Variants in FGF7 observed in about 807,000 individuals in gnomAD.
The protein encoded by FGF7 is FGF-7.
FGF7 carries 6 observed loss-of-function variants against 20.5 expected under a neutral mutation model. The observed-to-expected ratio is 0.29, with a 90% confidence interval of 0.16 to 0.58. The LOEUF (loss-of-function observed/expected upper bound fraction) is 0.58. Among genes scored for constraint, FGF7 ranks in the 20% least tolerant of loss-of-function variants. The pLI, the probability that FGF7 is intolerant of heterozygous loss-of-function variation, is 0.90. For synonymous variants in FGF7, 64 were observed against 74.7 expected (o/e 0.86, Z 0.74); for missense variants, 144 against 228.8 (o/e 0.63, Z 2.39).
intron 2 of FGF7, among the ~76,000 whole-genome samples, chr15:49,450,109 G>A (rs2052588768): frequency 6.6e-6 from 1 of 152,066 alleles, no homozygotes; most frequent in South Asian, 2.1e-4. Context: ...CGGAGTTGTG[G>A]AATAAACATG....
intron 2 of FGF7, among the ~76,000 whole-genome samples, chr15:49,468,264 A>G (rs1242769584): frequency 6.6e-6 from 1 of 152,166 alleles, no homozygotes; most frequent in Non-Finnish European, 1.5e-5. Flanking sequence ...ATGATGTGGA[A>G]TCAGTTCTCT....
intron 2 of FGF7, among the ~76,000 whole-genome samples, chr15:49,455,383 T>C (rs1275113221): frequency 1.3e-5 from 2 of 152,234 alleles, no homozygotes; most frequent in East Asian, 3.8e-4. Context: ...TCATGATGAA[T>C]ACTGTGTGCA....
rs1010649653 is a variant in FGF7, at chr15:49,488,101, T to C, written c.*3597T>C. 4 of 151,962 alleles carry C rather than the reference T, an allele frequency of 2.6e-5. No individual in the cohort carries two copies. Among genetic ancestry groups the C allele is most frequent in the African/African-American group, 7.2e-5 (3 of 41,404 alleles). 9.4% of individuals were successfully genotyped at this position (151,962 alleles called of 1,614,324 possible). Reference sequence around the variant, plus strand: ...AGAATACATCACTGATACATCGAAATGGATGCAGGCCACTATGACTAACTT... The same window carrying C: ...AGAATACATCACTGATACATCGAAACGGATGCAGGCCACTATGACTAACTT... On this transcript the variant is annotated 3_prime_UTR_variant, in exon 4 of 4. Transcript: ENST00000267843.
chr15:49,427,865 G>C (rs1597121288), intron 2 of FGF7, among the ~76,000 whole-genome samples: 1 of 151,880 alleles, frequency 6.6e-6, no homozygotes, highest in East Asian at 1.9e-4. Context: ...GGGAGTGGTG[G>C]GCAAGTGGAT....
chr15:49,481,799 A>T (rs1306593049), intron 2 of FGF7, among the ~76,000 whole-genome samples: 1 of 152,182 alleles, frequency 6.6e-6, no homozygotes, highest in Non-Finnish European at 1.5e-5. Context: ...CCCAATTTCT[A>T]GATGAGTAGC....
chr15:49,445,773 T>C (rs2052143886), intron 2 of FGF7, among the ~76,000 whole-genome samples: 1 of 151,540 alleles, frequency 6.6e-6, no homozygotes, highest in Non-Finnish European at 1.5e-5. Context: ...CCTGCTCATG[T>C]TAGCCAAGAA....
intron 2 of FGF7, among the ~76,000 whole-genome samples, chr15:49,479,912 C>G (rs1283440634): frequency 6.6e-6 from 1 of 152,144 alleles, no homozygotes; most frequent in Non-Finnish European, 1.5e-5. Flanking sequence ...CTGCGCTCCG[C>G]CCATAGTTAA....
intron 2 of FGF7, among the ~76,000 whole-genome samples, chr15:49,466,931 A>G (rs75875790): frequency 0.017 from 2,540 of 152,310 alleles, 22 homozygotes; most frequent in Middle Eastern, 0.044. Flanking sequence ...CAAAGAGCAT[A>G]TGCTTTAAAA....
rs113812225 is a variant in FGF7, at chr15:49,483,987, G to A, written c.391-323G>A. ...CAGTGGTTAAAGAATGAGTGATGTG[G>A]GAATAAGTAATATGAGGCCTGTTAC... On this transcript the variant is annotated intron_variant, in intron 3 of 3. Transcript: ENST00000267843. Among the ~76,000 whole-genome samples the A allele has an allele frequency of 7.5e-3, 1,135 of 152,074 alleles. 19 individuals carry two copies. The highest frequency in any genetic ancestry group is 0.026 in the African/African-American group (1,087 of 41,526).
intron 2 of FGF7, among the ~76,000 whole-genome samples, chr15:49,436,513 A>T (rs2051120446): frequency 6.6e-6 from 1 of 151,632 alleles, no homozygotes. Flanking sequence ...TAGTATTAAG[A>T]TAACAAAAAT....
intron 2 of FGF7, among the ~76,000 whole-genome samples, chr15:49,470,243 T>G (rs898822494): frequency 5.4e-5 from 2 of 37,380 alleles, no homozygotes; most frequent in Admixed American, 4.9e-4. Context: ...CTTATAATTC[T>G]TTAACACTGG....
chr15:49,479,545 G>A (rs2055691812), intron 2 of FGF7, among the ~76,000 whole-genome samples: 2 of 147,246 alleles, frequency 1.4e-5, no homozygotes, highest in African/African-American at 5.0e-5. Context: ...TATGTTTTCT[G>A]AGCAACTTCG....
intron 2 of FGF7, among the ~76,000 whole-genome samples, chr15:49,477,487 C>T (rs2055452101): frequency 6.6e-6 from 1 of 152,112 alleles, no homozygotes; most frequent in Admixed American, 6.6e-5. Flanking sequence ...TTAAGGTTCC[C>T]CTTGTCTTTT....
intron 2 of FGF7, among the ~76,000 whole-genome samples, chr15:49,450,355 T>C (rs2052611541): frequency 6.6e-6 from 1 of 152,104 alleles, no homozygotes; most frequent in African/African-American, 2.4e-5. Flanking sequence ...CTAGAGTTCA[T>C]TTCTCTGGCC....
At chr15:49,463,432 T>C (rs112798740) in intron 2 of FGF7, among the ~76,000 whole-genome samples, 3,300 of 151,716 alleles carry the variant, frequency 0.022, 139 homozygotes, top group African/African-American at 0.076. Flanking sequence ...TGGGCGCCTG[T>C]AATCCCAGCT....
At chr15:49,442,208 T>C (rs1054027523) in intron 2 of FGF7, among the ~76,000 whole-genome samples, 1 of 151,722 alleles carries the variant, frequency 6.6e-6, no homozygotes, top group Non-Finnish European at 1.5e-5. Context: ...GATTCTATTC[T>C]AGCCAGCCAA....
intron 2 of FGF7, among the ~76,000 whole-genome samples, chr15:49,447,462 T>C (rs2052329630): frequency 6.6e-6 from 1 of 151,682 alleles, no homozygotes. Flanking sequence ...GAGTCAAATA[T>C]GGCAGCTAGT....
chr15:49,480,865 T>A (rs2055882080), intron 2 of FGF7, among the ~76,000 whole-genome samples: 1 of 152,160 alleles, frequency 6.6e-6, no homozygotes, highest in African/African-American at 2.4e-5. Flanking sequence ...AGAGGGGCAA[T>A]ATGAACTTAT....
intron 2 of FGF7, among the ~76,000 whole-genome samples, chr15:49,430,560 G>T (rs1268703045): frequency 6.6e-6 from 1 of 151,810 alleles, no homozygotes; most frequent in Non-Finnish European, 1.5e-5. Context: ...ATAAAGAAAA[G>T]AAATTTATTC....
Sources: gnomAD v4.1 joint callset for allele counts (sites outside exome capture counted in the v4.1 genomes callset) on GRCh38, gnomAD v4.1.1 for gene constraint, MANE v1.5 for transcripts, NCBI Gene and HGNC (gene_info 2026-07-23, HGNC 2026-07-21) for gene names.